The following ACSL5 variants were observed in gnomAD, a reference collection of about 807,000 sequenced individuals.
ACSL5 encodes the protein long-chain-fatty-acid--CoA ligase 5.
ACSL5 carries 50 observed loss-of-function variants against 84.9 expected under a neutral mutation model. The observed-to-expected ratio is 0.59, with a 90% CI of 0.47 to 0.75. ACSL5 has a LOEUF of 0.75. ACSL5 is among the 30% of genes least tolerant of loss of function. The probability of loss-of-function intolerance (pLI) is 0.00; values close to 1 mark genes in which losing one functional copy is unlikely to be tolerated. For missense variants in ACSL5, 775 were observed against 830.4 expected (o/e 0.93, Z 0.82); for synonymous variants, 280 against 300.7 (o/e 0.93, Z 0.71).
At position 112,421,979 on chromosome 10, in the gene ACSL5, G is replaced by A. The variant is rs752711833; in HGVS notation, c.1420G>A (p.Val474Met). 17 of 1,614,064 alleles carry A rather than the reference G, an allele frequency of 1.1e-5. No homozygotes were observed. The highest frequency in any genetic ancestry group is 6.7e-5 in the East Asian group (3 of 44,884). Residue 474 changes from valine (V) to methionine (M), a missense_variant, in exon 16 of 21, where the codon GTG becomes ATG. Transcript: ENST00000354655. The stretch of plus-strand genomic sequence containing the variant: ...TGGGGTGCCCCTGGCTTGCAATTAC[G>A]TGAAGCTGGAAGATGTGGCTGACAT... The part of the protein sequence containing the change: ...HVGVPLACNY[V>M]KLEDVADMNY...
At chr10:112,381,298 C>T (rs796538053) in intron 1 of ACSL5, among the ~76,000 whole-genome samples, 11 of 152,268 alleles carry the variant, frequency 7.2e-5, no homozygotes, top group African/African-American at 1.9e-4. Flanking sequence ...GGAACTATAT[C>T]GGCCAAGTGT....
At chr10:112,380,043 C>G (rs1187575078) in intron 1 of ACSL5, among the ~76,000 whole-genome samples, 1 of 152,160 alleles carries the variant, frequency 6.6e-6, no homozygotes, top group East Asian at 1.9e-4. Context: ...TCTTCTTACC[C>G]CAGTTCTGTC....
chr10:112,417,969 G>C lies in ACSL5; in HGVS notation c.1314+28G>C, dbSNP rs547529456. On this transcript the variant is annotated intron_variant, in intron 14 of 20. Transcript: ENST00000354655. ...AAGCCAAGCACCTTCTTTGAGAATA[G>C]GCTATTTTACTTTTGCACAAACAGG... The C allele has an allele frequency of 2.6e-6, 4 of 1,535,804 alleles. No homozygotes were observed. The East Asian group carries it at 7.0e-5, about 27-fold the overall frequency.
rs766223668 is a variant in ACSL5 at position 112,394,901 on chromosome 10, C to G, written c.-29-17C>G. On this transcript the variant is annotated splice_polypyrimidine_tract_variant and intron_variant, in intron 1 of 20. Transcript: ENST00000354655. ...GCCATTTCCTCTAAATTTTCTTTCC[C>G]CTGTTTTTTTTTTAAGGTCTGAATT... 1.2e-6 allele frequency: 2 copies of G among 1,608,852 alleles called. No individual in the cohort carries two copies. The highest frequency in any genetic ancestry group is 1.7e-6 in the Non-Finnish European group (2 of 1,178,676).
intron 7 of ACSL5, chr10:112,410,230 G>A (rs1468617063): frequency 2.4e-5 from 36 of 1,514,848 alleles, no homozygotes; most frequent in Admixed American, 6.0e-5. Flanking sequence ...ACAATGGGAA[G>A]TTTGAACATG....
In ACSL5 at chr10:112,409,330, A is replaced by G. The variant is rs1844121733; in HGVS notation, c.533-177A>G. The G allele has an allele frequency of 8.6e-6, 5 of 581,682 alleles. No homozygotes were observed. In the South Asian group the frequency reaches 1.1e-4, roughly 13 times the overall value. 36.0% of individuals were successfully genotyped at this position (581,682 alleles called of 1,614,324 possible). On this transcript the variant is annotated intron_variant, in intron 6 of 20. Transcript: ENST00000354655. Reference sequence around the variant, plus strand: ...AGAACATGTGCTTCTGTTTCAGTTAAGTTCATTTATCATCAATGGAATGTT... The same window carrying G: ...AGAACATGTGCTTCTGTTTCAGTTAGGTTCATTTATCATCAATGGAATGTT...
At chr10:112,424,168 A>G (rs1368370055) in intron 17 of ACSL5, among the ~76,000 whole-genome samples, 1 of 152,250 alleles carries the variant, frequency 6.6e-6, no homozygotes, top group African/African-American at 2.4e-5. Context: ...CTTTCTGTGG[A>G]AGATACAGAG....
chr10:112,400,735 G>A (rs141330425), intron 3 of ACSL5, among the ~76,000 whole-genome samples: 1 of 151,916 alleles, frequency 6.6e-6, no homozygotes, highest in East Asian at 1.9e-4. Context: ...TTAATTTTTT[G>A]TAGAGACAAG....
At chr10:112,420,748 C>T (rs368597725) in intron 14 of ACSL5, among the ~76,000 whole-genome samples, 18 of 151,186 alleles carry the variant, frequency 1.2e-4, no homozygotes, top group Non-Finnish European at 2.5e-4. Flanking sequence ...GATGTAGTCT[C>T]GCTCACTGTG....
In ACSL5 at chr10:112,416,879, A is replaced by G. The variant is rs1223626241; in HGVS notation, c.1084-9A>G. On this transcript the variant is annotated splice_polypyrimidine_tract_variant and intron_variant, in intron 12 of 20. Coordinates refer to ENST00000354655, the MANE Select transcript of ACSL5 (RefSeq NM_203379.2). Reference sequence around the variant, plus strand: ...AGGTTTCCAACTAAAAGGAGCTATCACTCTGCAGGTACAAAATGAGGCCAA... The same window carrying G: ...AGGTTTCCAACTAAAAGGAGCTATCGCTCTGCAGGTACAAAATGAGGCCAA... 6.2e-7 allele frequency: 1 copy of G among 1,613,422 alleles called. No individual in the cohort carries two copies. The highest frequency in any genetic ancestry group is 8.5e-7 in the Non-Finnish European group (1 of 1,179,508).
Position 112,426,795 on chromosome 10 carries a change from G to T in ACSL5, c.1847G>T (p.Arg616Met). The T allele has an allele frequency of 6.2e-7, 1 of 1,613,978 alleles. No individual in the cohort carries two copies. Among genetic ancestry groups the T allele is most frequent in the African/African-American group, 1.3e-5 (1 of 75,044 alleles). The stretch of plus-strand genomic sequence containing the variant: ...GATGTTTTGTATTCTTAGGTTGTAA[G>T]GGAAGCCATTTTAGAAGACTTGCAG... ...FEELCQNQVV[R>M]EAILEDLQKI... Residue 616 changes from arginine (R) to methionine (M), a missense_variant, in exon 20 of 21, where the codon AGG becomes ATG. Coordinates refer to ENST00000354655, the MANE Select transcript of ACSL5 (RefSeq NM_203379.2).
At chr10:112,415,613 A>G (rs150982784) in intron 12 of ACSL5, among the ~76,000 whole-genome samples, 1 of 152,350 alleles carries the variant, frequency 6.6e-6, no homozygotes, top group African/African-American at 2.4e-5. Flanking sequence ...TTGGAGACAG[A>G]TTATGACATA....
chr10:112,425,597 A>C, intron 18 of ACSL5, 116 bp downstream of exon 18: 1 of 440,650 alleles, frequency 2.3e-6, no homozygotes, highest in East Asian at 6.4e-5. Context: ...TATAAAACTA[A>C]AAAAAAAAAA....
chr10:112,388,391 A>G (rs953134067), intron 1 of ACSL5, among the ~76,000 whole-genome samples: 3 of 152,116 alleles, frequency 2.0e-5, no homozygotes, highest in African/African-American at 7.2e-5. Flanking sequence ...CACCATCCCT[A>G]TCCAATACCT....
rs1844176568 is a variant in ACSL5, at chr10:112,411,537, G to A, written c.870+8G>A. On this transcript the variant is annotated splice_region_variant and intron_variant, in intron 10 of 20. Transcript: ENST00000354655. ...TTTCTCAAATGTGTGGAGGTCAGTGGTCAGTTGAAAAAGAGGCTCTCATTA... is the reference window on the plus strand; with the variant it reads ...TTTCTCAAATGTGTGGAGGTCAGTGATCAGTTGAAAAAGAGGCTCTCATTA... The A allele has an allele frequency of 6.2e-7, 1 of 1,610,818 alleles. No individual in the cohort carries two copies. The highest frequency in any genetic ancestry group is 8.5e-7 in the Non-Finnish European group (1 of 1,177,142).
chr10:112,377,297 T>C (rs1265678446), intron 1 of ACSL5, among the ~76,000 whole-genome samples: 1 of 152,222 alleles, frequency 6.6e-6, no homozygotes, highest in Non-Finnish European at 1.5e-5. Flanking sequence ...CCCAGAACTC[T>C]GGGAGTCTGA....
At position 112,410,109 on chromosome 10, in the gene ACSL5, T is replaced by C. The variant is rs1346790561; in HGVS notation, c.712-354T>C. On this transcript the variant is annotated intron_variant, in intron 7 of 20. Coordinates refer to ENST00000354655, the MANE Select transcript of ACSL5 (RefSeq NM_203379.2). ...GTAAAGAGTTAGCTTAATTCATATATGTAGATTTCTCAGGACAGTGATGGA... is the reference window on the plus strand; with the variant it reads ...GTAAAGAGTTAGCTTAATTCATATACGTAGATTTCTCAGGACAGTGATGGA... The C allele has an allele frequency of 8.4e-6, 6 of 712,442 alleles. No homozygotes were observed. The African/African-American group carries it at 1.2e-4, about 14-fold the overall frequency. The allele number at this position is 712,442 out of a possible 1,614,324, so 44.1% of individuals were successfully genotyped here. A position where few individuals can be genotyped will look rare whatever the true frequency, so the allele number is the denominator to read the frequency against.
intron 11 of ACSL5, chr10:112,412,409 A>G (rs1844198487): frequency 6.0e-6 from 1 of 167,784 alleles, no homozygotes; most frequent in Non-Finnish European, 1.3e-5. Context: ...AAGGTGTGAG[A>G]TGTCCCCCGC....
chr10:112,384,100 C>T (rs369018898), intron 1 of ACSL5, among the ~76,000 whole-genome samples: 4 of 152,056 alleles, frequency 2.6e-5, no homozygotes, highest in South Asian at 2.1e-4. Context: ...GCATGAGAAT[C>T]GCTTGAACCC....
Sources: gnomAD v4.1 joint callset for allele counts (sites outside exome capture counted in the v4.1 genomes callset) on GRCh38, gnomAD v4.1.1 for gene constraint, MANE v1.5 for transcripts, NCBI Gene and HGNC (gene_info 2026-07-23, HGNC 2026-07-21) for gene names.